CACHD1: variants seen among roughly 807,000 people sequenced by gnomAD.
CACHD1 encodes the protein cache domain containing 1, also known as VWFA and cache domain-containing protein 1.
Under a neutral mutation model 138.7 loss-of-function variants are expected in CACHD1, and 71 were observed. That is an observed-to-expected ratio of 0.51 (90% CI 0.42 to 0.62). The LOEUF (loss-of-function observed/expected upper bound fraction) is 0.62, where lower values mean the gene tolerates loss of function less well. Ranked by LOEUF, CACHD1 falls within the 20% of genes least tolerant of loss-of-function variation. The probability of loss-of-function intolerance (pLI) is 0.00; values close to 1 mark genes in which losing one functional copy is unlikely to be tolerated. For missense variants in CACHD1, 1,389 were observed against 1,625.3 expected (o/e 0.85, Z 2.50); for synonymous variants, 578 against 591.5 (o/e 0.98, Z 0.33).
At chr1:64,560,456 T>A (rs1436762) in intron 2 of CACHD1, among the ~76,000 whole-genome samples, 123,616 of 151,994 alleles carry the variant, frequency 0.81, 52,303 homozygotes, top group South Asian at 0.94. Flanking sequence ...TTTTTAAATT[T>A]TGACCCATGG....
At chr1:64,558,211 G>A (rs1557492176) in intron 2 of CACHD1, among the ~76,000 whole-genome samples, 1 of 152,186 alleles carries the variant, frequency 6.6e-6, no homozygotes, top group Non-Finnish European at 1.5e-5. Flanking sequence ...ACTAACATTA[G>A]TGTTGAACAG....
intron 19 of CACHD1, among the ~76,000 whole-genome samples, chr1:64,673,726 G>GT (rs1317040305): frequency 6.6e-6 from 1 of 152,164 alleles, no homozygotes; most frequent in Non-Finnish European, 1.5e-5. Flanking sequence ...CTTTCCCAAT[G>GT]TAAGTCCTTT....
At chr1:64,552,632 C>T (rs114290026) in intron 2 of CACHD1, among the ~76,000 whole-genome samples, 1 of 151,962 alleles carries the variant, frequency 6.6e-6, no homozygotes, top group Non-Finnish European at 1.5e-5. Flanking sequence ...TGCCCACATG[C>T]CCGGCTGATT....
At chr1:64,675,587 G>C (rs1392018970) in intron 20 of CACHD1, 26 bp downstream of exon 20, 1 of 1,589,518 alleles carries the variant, frequency 6.3e-7, no homozygotes, top group Non-Finnish European at 8.6e-7. Flanking sequence ...GTCATATTCT[G>C]TGTTCACCAC....
intron 1 of CACHD1, among the ~76,000 whole-genome samples, chr1:64,516,345 A>G (rs1317394549): frequency 6.6e-6 from 1 of 152,170 alleles, no homozygotes; most frequent in African/African-American, 2.4e-5. Flanking sequence ...TTGCAGTAGC[A>G]TTTCTCATGT....
chr1:64,472,239 T>TTCC (rs138505145), intron 1 of CACHD1, among the ~76,000 whole-genome samples: 3 of 152,138 alleles, frequency 2.0e-5, no homozygotes, highest in African/African-American at 4.8e-5. Context: ...TTCCTTCTTC[T>TTCC]TCCTCCTCCT....
At chr1:64,684,464 T>C (rs548967718) in intron 26 of CACHD1, among the ~76,000 whole-genome samples, 78 of 150,922 alleles carry the variant, frequency 5.2e-4, no homozygotes, top group African/African-American at 1.8e-3. Context: ...AAAAAGCTTA[T>C]AGAATAAGGA....
Position 64,647,903 on chromosome 1 carries a change from A to ACC in CACHD1, c.1259_1260insCC (p.Lys420AsnfsTer5). On this transcript the variant is annotated frameshift_variant, in exon 9 of 27. Transcript: ENST00000651257. LOFTEE classifies it high-confidence loss of function. The stretch of plus-strand genomic sequence containing the variant: ...GACCGGATGGCCTTGCCTGTGATTA[A>ACC]GGGCAGCATGATGGTGCTGAATCAG... The ACC allele has an allele frequency of 1.2e-6, 2 of 1,614,138 alleles. No homozygotes were observed. The highest frequency in any genetic ancestry group is 2.2e-5 in the South Asian group (2 of 91,078).
At chr1:64,486,596 C>A (rs1433790804) in intron 1 of CACHD1, among the ~76,000 whole-genome samples, 6 of 152,128 alleles carry the variant, frequency 3.9e-5, no homozygotes, top group Non-Finnish European at 8.8e-5. Context: ...TAGAAATCTT[C>A]AAGAGAGCTG....
rs542790740 is a variant in CACHD1 at position 64,541,605 on chromosome 1, C to T, written c.199-8989C>T. Among the ~76,000 whole-genome samples the T allele has an allele frequency of 8.5e-5, 13 of 152,106 alleles. No homozygotes were observed. The South Asian group carries it at 2.7e-3, about 32-fold the overall frequency. ...GACAGATTGCTTGAGCCCGGAAATT[C>T]GAGACCAACCTGGACAACATAGCGA... On this transcript the variant is annotated intron_variant, in intron 1 of 26. Coordinates refer to ENST00000651257, the MANE Select transcript of CACHD1 (RefSeq NM_020925.4).
At position 64,577,075 on chromosome 1, in the gene CACHD1, C is replaced by G. The variant is rs542705383; in HGVS notation, c.262-5081C>G. Among the ~76,000 whole-genome samples, 3 of 152,134 alleles carry G rather than the reference C, an allele frequency of 2.0e-5. No individual in the cohort carries two copies. In the South Asian group the frequency reaches 6.2e-4, roughly 32 times the overall value. ...CCTCCCGCCTCAGCCCTCTGGGTAG[C>G]TGGGACTACAGATGCACACCAATAT... On this transcript the variant is annotated intron_variant, in intron 2 of 26. Transcript: ENST00000651257.
intron 1 of CACHD1, among the ~76,000 whole-genome samples, chr1:64,484,031 T>TGTTTCTTTTAGTTTCTTTTA (rs1646227292): frequency 6.6e-6 from 1 of 152,172 alleles, no homozygotes; most frequent in African/African-American, 2.4e-5. Flanking sequence ...TTTCCTACCC[T>TGTTTCTTTTAGTTTCTTTTA]GTTTCTTTTA....
chr1:64,613,609 T>TA (rs2100600654), intron 4 of CACHD1: 1 of 152,318 alleles, frequency 6.6e-6, no homozygotes, highest in Non-Finnish European at 1.5e-5. Flanking sequence ...TATTTTGTAG[T>TA]AGTTGACATG....
chr1:64,676,969 A>G lies in CACHD1; in HGVS notation c.3050A>G (p.His1017Arg), dbSNP rs1333999953. 10 of 1,613,906 alleles carry G rather than the reference A, an allele frequency of 6.2e-6. No homozygotes were observed. Among genetic ancestry groups the G allele is most frequent in the Non-Finnish European group, 6.8e-6 (8 of 1,179,944 alleles). The part of the protein sequence containing the change: ...AIDPGLQDAL[H>R]QCVNSRCSQR... ...GACCCTGGCCTGCAAGATGCTCTTC[A>G]CCAGTGTGTCAACAGCAGGTGCAGT... is the stretch of plus-strand genomic sequence containing the variant. Residue 1017 changes from histidine to arginine, a missense_variant, in exon 22 of 27, where the codon CAC becomes CGC. His to Arg is a conservative substitution (Grantham distance 29). Around this residue, in one of 5 missense-constraint regions of CACHD1, gnomAD observed 250 missense variants for 292.9 expected, o/e 0.85. Transcript: ENST00000651257.
In CACHD1 at chr1:64,663,850, G is replaced by A. The variant is rs567689172; in HGVS notation, c.2094+13G>A. On this transcript the variant is annotated intron_variant, in intron 14 of 26. Transcript: ENST00000651257. ...CCCGGGCCTCAAAGTAAGCATTGGC[G>A]CAGAGCTCCATTTCTGGTGTCCCCC... The A allele has an allele frequency of 3.7e-5, 59 of 1,614,008 alleles. No homozygotes were observed. Among genetic ancestry groups the A allele is most frequent in the East Asian group, 2.9e-4 (13 of 44,870 alleles).
At position 64,470,962 on chromosome 1, in the gene CACHD1, G is replaced by C; in HGVS notation, c.198+20G>C. On this transcript the variant is annotated intron_variant, in intron 1 of 26. Transcript: ENST00000651257. The surrounding 1 kb of genome is among the most constrained non-coding windows in gnomAD (Gnocchi z 5.2). ...ATGCAGGTAAGTGGCCCCCGAGCTG[G>C]CCAGACATCCCGCCTTTCTCCTTTG... 6.4e-7 allele frequency: 1 copy of C among 1,574,708 alleles called. No homozygotes were observed. Among genetic ancestry groups the C allele is most frequent in the Non-Finnish European group, 8.6e-7 (1 of 1,158,724 alleles).
At chr1:64,592,677 A>G (rs1485901147) in intron 3 of CACHD1, among the ~76,000 whole-genome samples, 1 of 152,212 alleles carries the variant, frequency 6.6e-6, no homozygotes, top group African/African-American at 2.4e-5. Flanking sequence ...ACACTAGGTC[A>G]GCTACACAAA....
intron 1 of CACHD1, among the ~76,000 whole-genome samples, chr1:64,501,351 C>T (rs968713838): frequency 2.0e-5 from 3 of 152,176 alleles, no homozygotes; most frequent in African/African-American, 7.2e-5. Context: ...TCTCCCTCTA[C>T]CAGCTCTATC....
rs921048470 is a variant in CACHD1, at chr1:64,550,602, C to T, written c.207C>T (p.Phe69=). 3.7e-6 allele frequency: 6 copies of T among 1,610,616 alleles called. No homozygotes were observed. The highest frequency in any genetic ancestry group is 5.1e-6 in the Non-Finnish European group (6 of 1,177,256). ...TTTTCTTTTCATTGCAGCGGATATTCAACTCCTTTGTTTACACTGAGAAAA... is the reference window on the plus strand; with the variant it reads ...TTTTCTTTTCATTGCAGCGGATATTTAACTCCTTTGTTTACACTGAGAAAA... ...ELGVVTMQRI[F]NSFVYTEKIS... Residue 69 remains phenylalanine (F), a synonymous_variant, in exon 2 of 27, where the codon TTC becomes TTT. Coordinates refer to ENST00000651257, the MANE Select transcript of CACHD1 (RefSeq NM_020925.4).
Sources: allele counts gnomAD v4.1 joint callset (sites outside exome capture counted in the v4.1 genomes callset), GRCh38; gene constraint gnomAD v4.1.1; regional missense constraint gnomAD v4.1.1; non-coding constraint Gnocchi (gnomAD v3.1); transcripts MANE v1.5; gene names NCBI Gene and HGNC (gene_info 2026-07-23, HGNC 2026-07-21).